The following SFMBT2 variants were observed in gnomAD, a reference collection of about 807,000 sequenced individuals.
SFMBT2 encodes the protein Scm like with four mbt domains 2, also known as scm-like with four MBT domains protein 2.
A neutral mutation model predicts 110.1 loss-of-function variants in SFMBT2; 38 were observed. The observed-to-expected ratio is 0.35, with a 90% CI of 0.27 to 0.45. The LOEUF (loss-of-function observed/expected upper bound fraction) is 0.45. SFMBT2 is among the 20% of genes least tolerant of loss of function. The probability of loss-of-function intolerance (pLI) is 1.00; values close to 1 mark genes in which losing one functional copy is unlikely to be tolerated. For synonymous variants in SFMBT2, 425 were observed against 425.4 expected, an observed-to-expected ratio of 1.00 and a Z score of 0.01; for missense variants, 1,011 against 1,094.9, an observed-to-expected ratio of 0.92 and a Z score of 1.08.
intron 4 of SFMBT2, among the ~76,000 whole-genome samples, chr10:7,312,313 G>A (rs1338316266): frequency 6.6e-6 from 1 of 152,166 alleles, no homozygotes; most frequent in Non-Finnish European, 1.5e-5. Context: ...GAGGTCCGAG[G>A]GAGCCGAGGC....
chr10:7,190,385 G>T (rs1838560156), intron 15 of SFMBT2, among the ~76,000 whole-genome samples: 1 of 152,220 alleles, frequency 6.6e-6, no homozygotes, highest in East Asian at 1.9e-4. Context: ...CCCCAGAGCT[G>T]CATGTTATTT....
At chr10:7,357,182 C>T (rs1844546974) in intron 4 of SFMBT2, among the ~76,000 whole-genome samples, 1 of 152,070 alleles carries the variant, frequency 6.6e-6, no homozygotes, top group African/African-American at 2.4e-5. Flanking sequence ...CAGGGGAGAG[C>T]AAGTGGGCGA....
intron 7 of SFMBT2, among the ~76,000 whole-genome samples, chr10:7,270,780 T>C (rs1035205613): frequency 9.2e-5 from 14 of 152,210 alleles, no homozygotes; most frequent in African/African-American, 3.4e-4. Context: ...GTAAGGTAAT[T>C]GTATTTTGGA....
At chr10:7,217,837 C>G (rs78373135) in intron 11 of SFMBT2, among the ~76,000 whole-genome samples, 9,222 of 152,292 alleles carry the variant, frequency 0.061, 373 homozygotes, top group Admixed American at 0.088. Context: ...GCACTGCCTC[C>G]TTTCCGGAAC....
chr10:7,237,343 A>G (rs1796351809), intron 9 of SFMBT2, among the ~76,000 whole-genome samples: 1 of 152,260 alleles, frequency 6.6e-6, no homozygotes, highest in South Asian at 2.1e-4. Context: ...AAAATGAATA[A>G]ACAATCTACA....
At chr10:7,350,524 G>A (rs1844278371) in intron 4 of SFMBT2, among the ~76,000 whole-genome samples, 1 of 152,092 alleles carries the variant, frequency 6.6e-6, no homozygotes, top group African/African-American at 2.4e-5. Context: ...TTCCCAAAGT[G>A]GCCATGAACT....
rs1259047658 is a variant in SFMBT2, at chr10:7,301,272, T to C, written c.437-15318A>G. Reference sequence around the variant, plus strand: ...TCTTTATGTCATGTGCAAATCAGCGTGAGACACTAGTAACTAGCAAGACAC... The same window carrying C: ...TCTTTATGTCATGTGCAAATCAGCGCGAGACACTAGTAACTAGCAAGACAC... On this transcript the variant is annotated intron_variant, in intron 4 of 20. Transcript: ENST00000397167. The surrounding 1 kb of genome is among the most constrained non-coding windows in gnomAD (Gnocchi z 4.2). 6.6e-6 allele frequency among the ~76,000 whole-genome samples: 1 copy of C among 152,200 alleles called. No homozygotes were observed. The highest frequency in any genetic ancestry group is 1.9e-4 in the East Asian group (1 of 5,192).
At chr10:7,278,135 T>C (rs1315462972) in intron 6 of SFMBT2, among the ~76,000 whole-genome samples, 2 of 152,320 alleles carry the variant, frequency 1.3e-5, no homozygotes, top group African/African-American at 2.4e-5. Flanking sequence ...TCCTTTCTAG[T>C]GTTTCCTGTC....
At chr10:7,295,170 T>C (rs914108771) in intron 4 of SFMBT2, 4 of 152,250 alleles carry the variant, frequency 2.6e-5, no homozygotes, top group Non-Finnish European at 5.9e-5. Flanking sequence ...CATAGAATTA[T>C]AATTCTTGTA....
Position 7,172,565 on chromosome 10 carries a change from C to T in SFMBT2, c.2081G>A (p.Arg694Gln), listed in dbSNP as rs1415368617. ...GHPKPARRRK[R>Q]RKSIFVQKKR... Reference sequence around the variant, plus strand: ...CTTCTGCACGAAAATGGATTTCCGTCGCTTCCTCCGCCTGGCGGGTTTGGG... The same window carrying T: ...CTTCTGCACGAAAATGGATTTCCGTTGCTTCCTCCGCCTGGCGGGTTTGGG... Residue 694 changes from arginine to glutamine, a missense_variant, in exon 18 of 21, where the codon CGA (arginine) becomes CAA (glutamine). Coordinates refer to ENST00000397167, the MANE Select transcript of SFMBT2 (RefSeq NM_001387889.1). The surrounding 1 kb of genome is among the most constrained non-coding windows in gnomAD (Gnocchi z 4.6). 13 of 1,614,078 alleles carry T rather than the reference C, an allele frequency of 8.1e-6. No individual in the cohort carries two copies. Among genetic ancestry groups the T allele is most frequent in the Admixed American group, 3.3e-5 (2 of 60,008 alleles).
In SFMBT2 at chr10:7,367,424, G is replaced by A. The variant is rs182277362; in HGVS notation, c.436+225C>T. ...AAGGATTAGGCATACTTTCAGTTCC[G>A]AAAAGCCAAGTTTGGCTCCATTGTC... is the stretch of plus-strand genomic sequence containing the variant. On this transcript the variant is annotated intron_variant, in intron 4 of 20. Transcript: ENST00000397167. The surrounding 1 kb of genome is among the most constrained non-coding windows in gnomAD (Gnocchi z 6.2). 2.6e-4 allele frequency among the ~76,000 whole-genome samples: 39 copies of A among 152,106 alleles called. No individual in the cohort carries two copies. The highest frequency in any genetic ancestry group is 9.8e-4 in the Admixed American group (15 of 15,282).
At chr10:7,320,697 G>C (rs991852091) in intron 4 of SFMBT2, 4 of 794,574 alleles carry the variant, frequency 5.0e-6, no homozygotes, top group Non-Finnish European at 4.6e-6. Flanking sequence ...AAAGTTTAAA[G>C]AGTCTAACCT....
At chr10:7,379,425 T>G (rs1194059717) in intron 2 of SFMBT2, among the ~76,000 whole-genome samples, 1 of 107,236 alleles carries the variant, frequency 9.3e-6, no homozygotes, top group Non-Finnish European at 2.2e-5. Context: ...AAAACTAGAT[T>G]TTAGTAAAAA....
Position 7,159,379 on chromosome 10 carries a change from C to T in SFMBT2, c.*4391G>A, listed in dbSNP as rs1837490349. On this transcript the variant is annotated 3_prime_UTR_variant, in exon 21 of 21. Coordinates refer to ENST00000397167, the MANE Select transcript of SFMBT2 (RefSeq NM_001387889.1). ...TATCATAGTATGTTTGGGGTATCTG[C>T]AAACCATTCTAGTGATAGAGCTATG... 1 of 152,126 alleles carries T rather than the reference C, an allele frequency of 6.6e-6. No homozygotes were observed. Among genetic ancestry groups the T allele is most frequent in the Non-Finnish European group, 1.5e-5 (1 of 68,034 alleles). The allele number at this position is 152,126 out of a possible 1,614,324, so 9.4% of individuals were successfully genotyped here.
At chr10:7,356,659 C>A (rs1310832653) in intron 4 of SFMBT2, among the ~76,000 whole-genome samples, 1 of 152,218 alleles carries the variant, frequency 6.6e-6, no homozygotes. Flanking sequence ...GTGATCCTCC[C>A]TCCTTGGCTT....
intron 1 of SFMBT2, among the ~76,000 whole-genome samples, chr10:7,394,145 G>A (rs910283721): frequency 3.3e-5 from 5 of 151,968 alleles, no homozygotes; most frequent in Non-Finnish European, 5.9e-5. Flanking sequence ...GATTACAGGC[G>A]CGCCACCATG....
intron 4 of SFMBT2, among the ~76,000 whole-genome samples, chr10:7,344,588 C>A (rs1330799204): frequency 6.6e-6 from 1 of 152,092 alleles, no homozygotes; most frequent in Non-Finnish European, 1.5e-5. Context: ...AGCATGAGAA[C>A]TGACTAATAC....
At chr10:7,311,587 CA>C (rs1343768581) in intron 4 of SFMBT2, among the ~76,000 whole-genome samples, 1 of 152,200 alleles carries the variant, frequency 6.6e-6, no homozygotes, top group Non-Finnish European at 1.5e-5. Context: ...GATCTCCCTG[CA>C]AGCTGCTATG....
intron 3 of SFMBT2, chr10:7,368,430 A>G: frequency 1.1e-6 from 1 of 894,180 alleles, no homozygotes; most frequent in Non-Finnish European, 1.3e-6. Flanking sequence ...GGGTCTTAAC[A>G]TTGCAAAGCT....
Sources: gnomAD v4.1 joint callset for allele counts (sites outside exome capture counted in the v4.1 genomes callset) on GRCh38, gnomAD v4.1.1 for gene constraint, Gnocchi (gnomAD v3.1) non-coding constraint, MANE v1.5 for transcripts, NCBI Gene and HGNC (gene_info 2026-07-23, HGNC 2026-07-21) for gene names.